TSPAN1: variants seen among roughly 807,000 people sequenced by gnomAD.
TSPAN1 encodes tetraspanin-1.
A neutral mutation model predicts 26.9 loss-of-function variants in TSPAN1; 23 were observed. That is an observed-to-expected ratio of 0.85 (90% CI 0.62 to 1.21). The LOEUF (loss-of-function observed/expected upper bound fraction) is 1.21. TSPAN1 is among the 50% of genes most tolerant of loss of function. TSPAN1 has a pLI of 0.00. For synonymous variants in TSPAN1, 115 were observed against 114.8 expected (o/e 1.00, Z -0.01); for missense variants, 283 against 298.4 (o/e 0.95, Z 0.38).
chr1:46,189,870 C>T (rs386834019), downstream of TSPAN1: 7 of 1,613,762 alleles, frequency 4.3e-6, no homozygotes, highest in Non-Finnish European at 5.1e-6. Context: ...AAGCTGGGTC[C>T]AGGTGGTGAA....
chr1:46,195,698 AACCT>A, the TSPAN1 span: 2 of 986,544 alleles, frequency 2.0e-6, no homozygotes, highest in Admixed American at 4.0e-5. Context: ...GAACCTGAGT[AACCT>A]TCCTTCAGAG....
At chr1:46,189,614 G>C, downstream of TSPAN1, 2 of 1,580,166 alleles carry the variant, frequency 1.3e-6, no homozygotes, top group Non-Finnish European at 1.7e-6. Flanking sequence ...GAGAGCTGTA[G>C]GGAGGGGTCA....
intron 6 of TSPAN1, 31 bp downstream of exon 6, chr1:46,184,914 G>A: frequency 1.2e-6 from 2 of 1,614,098 alleles, no homozygotes; most frequent in East Asian, 2.2e-5. Context: ...TTTTAGGGTG[G>A]AGAGAAAGAA....
chr1:46,190,595 G>A, downstream of TSPAN1: 1 of 1,533,052 alleles, frequency 6.5e-7, no homozygotes, highest in Non-Finnish European at 9.0e-7. Context: ...AGGGCAAGGG[G>A]TCACATGGGA....
downstream of TSPAN1, chr1:46,190,584 C>G: frequency 6.5e-7 from 1 of 1,536,596 alleles, no homozygotes; most frequent in African/African-American, 1.4e-5. Flanking sequence ...TAGCACTGAG[C>G]AGGGCAAGGG....
chr1:46,194,808 T>G, the TSPAN1 span: 1 of 1,613,704 alleles, frequency 6.2e-7, no homozygotes, highest in South Asian at 1.1e-5. Flanking sequence ...CCCAGGCTCT[T>G]GATACTACAG....
At chr1:46,190,366 G>C (rs1657666082), downstream of TSPAN1, 2 of 1,399,594 alleles carry the variant, frequency 1.4e-6, no homozygotes, top group Non-Finnish European at 2.0e-6. Context: ...TGTTTGAGAT[G>C]AGGGCCCTGA....
the TSPAN1 span, chr1:46,192,572 G>C: frequency 3.1e-6 from 5 of 1,614,020 alleles, no homozygotes; most frequent in African/African-American, 5.3e-5. Context: ...CCAGTAGGTG[G>C]ATGGATTGGC....
intron 1 of TSPAN1, among the ~76,000 whole-genome samples, chr1:46,179,743 G>GGT (rs1657266417): frequency 6.6e-6 from 1 of 152,062 alleles, no homozygotes; most frequent in African/African-American, 2.4e-5. Flanking sequence ...AAAGAGAAGG[G>GGT]GTGTACACAG....
At chr1:46,189,246 C>G (rs1385873142), downstream of TSPAN1, 1 of 1,607,712 alleles carries the variant, frequency 6.2e-7, no homozygotes, top group Non-Finnish European at 8.5e-7. Context: ...CAGTACCCAG[C>G]CCCGCAGGGT....
At chr1:46,194,318 A>C in the TSPAN1 span, 1 of 1,614,152 alleles carries the variant, frequency 6.2e-7, no homozygotes, top group Non-Finnish European at 8.5e-7. Flanking sequence ...TTGCAGCTGC[A>C]TACACTTCCA....
At chr1:46,179,964 A>AGTGTGTGTGTGTGTGTGT (rs141816531) in intron 1 of TSPAN1, among the ~76,000 whole-genome samples, 2,036 of 146,744 alleles carry the variant, frequency 0.014, 23 homozygotes, top group African/African-American at 0.045. Flanking sequence ...AGAAAGAGGG[A>AGTGTGTGTGTGTGTGTGT]GTGTGTGTGT....
At chr1:46,186,189 A>G (rs1239897449), downstream of TSPAN1, among the ~76,000 whole-genome samples, 1 of 152,158 alleles carries the variant, frequency 6.6e-6, no homozygotes, top group Non-Finnish European at 1.5e-5. Context: ...CTGCCTCCTT[A>G]TAAAGGGGAG....
chr1:46,186,354 G>T (rs1657426423), downstream of TSPAN1, among the ~76,000 whole-genome samples: 1 of 152,136 alleles, frequency 6.6e-6, no homozygotes, highest in South Asian at 2.1e-4. Context: ...CTAGGGTCCA[G>T]GCTGCCTGCC....
At chr1:46,176,218 C>T (rs1281541980) in intron 1 of TSPAN1, 1 of 1,534,656 alleles carries the variant, frequency 6.5e-7, no homozygotes, top group Non-Finnish European at 8.7e-7. Flanking sequence ...TCACAGGCCC[C>T]CTGGCTAACC....
At chr1:46,192,620 G>A in the TSPAN1 span, 2 of 1,612,376 alleles carry the variant, frequency 1.2e-6, no homozygotes, top group Admixed American at 1.7e-5. Flanking sequence ...AGAGTTCAGG[G>A]AGGGACAAGG....
At chr1:46,175,579 G>A (rs1657114240) in intron 1 of TSPAN1, 170 bp downstream of exon 1, 1 of 398,770 alleles carries the variant, frequency 2.5e-6, no homozygotes, top group South Asian at 1.3e-4. Flanking sequence ...CTAGCTTCTG[G>A]GCACTTCTAG....
intron 1 of TSPAN1, among the ~76,000 whole-genome samples, chr1:46,178,897 G>GA (rs1408396724): frequency 6.6e-6 from 1 of 151,754 alleles, no homozygotes; most frequent in Non-Finnish European, 1.5e-5. Context: ...TTGTGAAGAG[G>GA]AAAAAAAGCC....
the TSPAN1 span, chr1:46,191,036 G>T: frequency 2.2e-6 from 1 of 464,262 alleles, no homozygotes; most frequent in South Asian, 1.9e-5. Flanking sequence ...ACAGACCCAT[G>T]AACTAGCAGT....
Sources: allele counts gnomAD v4.1 joint callset (sites outside exome capture counted in the v4.1 genomes callset), GRCh38; gene constraint gnomAD v4.1.1; transcripts MANE v1.5; gene names NCBI Gene and HGNC (gene_info 2026-07-23, HGNC 2026-07-21).